The following ADAMTS12 variants were observed in gnomAD, a reference collection of about 807,000 sequenced individuals.
ADAMTS12 encodes A disintegrin and metalloproteinase with thrombospondin motifs 12.
A neutral mutation model predicts 167.8 loss-of-function variants in ADAMTS12; 118 were observed. That is an observed-to-expected ratio of 0.70 (90% confidence interval 0.61 to 0.82). ADAMTS12 has a LOEUF of 0.82. Among genes scored for constraint, ADAMTS12 ranks in the 40% least tolerant of loss-of-function variants. The pLI, the probability that ADAMTS12 is intolerant of heterozygous loss-of-function variation, is 0.00. For missense variants in ADAMTS12, 1,916 were observed against 1,998.8 expected (o/e 0.96, Z 0.79); for synonymous variants, 704 against 716.9 (o/e 0.98, Z 0.29).
intron 20 of ADAMTS12, among the ~76,000 whole-genome samples, chr5:33,551,490 A>G (rs958455526): frequency 6.6e-6 from 1 of 152,244 alleles, no homozygotes; most frequent in Non-Finnish European, 1.5e-5. Context: ...AAGCATGCTA[A>G]TAGCTTCCAC....
At position 33,657,848 on chromosome 5, in the gene ADAMTS12, A is replaced by G. The variant is rs143599547; in HGVS notation, c.1190+336T>C. On this transcript the variant is annotated intron_variant, in intron 7 of 23. Coordinates refer to ENST00000504830, the MANE Select transcript of ADAMTS12 (RefSeq NM_030955.4). ...TTAGTGATATTAACATTATCATTTC[A>G]TAAGAACTAACCAAGGGTTATTCCT... Among the ~76,000 whole-genome samples the G allele has an allele frequency of 2.1e-4, 32 of 152,290 alleles. No homozygotes were observed. In the East Asian group the frequency reaches 5.2e-3, roughly 25 times the overall value.
At position 33,762,439 on chromosome 5, in the gene ADAMTS12, C is replaced by T. The variant is rs529217734; in HGVS notation, c.490-10891G>A. Among the ~76,000 whole-genome samples, 386 of 146,588 alleles carry T rather than the reference C, an allele frequency of 2.6e-3. 4 individuals carry two copies. Among genetic ancestry groups the T allele is most frequent in the African/African-American group, 9.5e-3 (375 of 39,632 alleles). On this transcript the variant is annotated intron_variant, in intron 2 of 23. Coordinates refer to ENST00000504830, the MANE Select transcript of ADAMTS12 (RefSeq NM_030955.4). Reference sequence around the variant, plus strand: ...AGGAGAATGGTGTGAACCCGGGAGGCGGGGGTTGCAGTGAGCCGAGATCGT... The same window carrying T: ...AGGAGAATGGTGTGAACCCGGGAGGTGGGGGTTGCAGTGAGCCGAGATCGT...
intron 16 of ADAMTS12, among the ~76,000 whole-genome samples, chr5:33,611,509 C>T (rs953895756): frequency 1.3e-5 from 2 of 152,116 alleles, no homozygotes; most frequent in African/African-American, 4.8e-5. Flanking sequence ...AAAATGATTG[C>T]TGCCACCTAT....
At chr5:33,555,725 A>G (rs939672357) in intron 20 of ADAMTS12, among the ~76,000 whole-genome samples, 1 of 152,230 alleles carries the variant, frequency 6.6e-6, no homozygotes, top group Non-Finnish European at 1.5e-5. Context: ...TCAAGTATAT[A>G]TTGGTGATTT....
chr5:33,787,045 T>G (rs1405229898), intron 2 of ADAMTS12, among the ~76,000 whole-genome samples: 2 of 152,182 alleles, frequency 1.3e-5, no homozygotes, highest in Admixed American at 1.3e-4. Context: ...CTAGATGTGG[T>G]CCTCTATGGC....
chr5:33,654,564 G>T (rs1286317307), intron 7 of ADAMTS12, among the ~76,000 whole-genome samples: 2 of 152,160 alleles, frequency 1.3e-5, no homozygotes, highest in Non-Finnish European at 2.9e-5. Flanking sequence ...CATGTAATCT[G>T]TCCTGACACC....
At chr5:33,791,980 A>C (rs1746588425) in intron 2 of ADAMTS12, among the ~76,000 whole-genome samples, 1 of 149,236 alleles carries the variant, frequency 6.7e-6, no homozygotes, top group African/African-American at 2.5e-5. Context: ...GTCTTAGCTT[A>C]AACGTGCTTT....
chr5:33,726,345 C>A (rs1268559538), intron 3 of ADAMTS12, among the ~76,000 whole-genome samples: 1 of 152,214 alleles, frequency 6.6e-6, no homozygotes, highest in Non-Finnish European at 1.5e-5. Context: ...AGCTCCGTGG[C>A]TGACGCTAAA....
At chr5:33,739,080 T>G (rs1036333566) in intron 3 of ADAMTS12, among the ~76,000 whole-genome samples, 16 of 152,148 alleles carry the variant, frequency 1.1e-4, no homozygotes, top group African/African-American at 3.9e-4. Context: ...CTCTGTTGAC[T>G]GAGAGAATAC....
At chr5:33,680,901 A>G (rs1236015360) in intron 5 of ADAMTS12, among the ~76,000 whole-genome samples, 4 of 152,192 alleles carry the variant, frequency 2.6e-5, no homozygotes, top group Non-Finnish European at 5.9e-5. Flanking sequence ...CCATCTTCAG[A>G]ATTATCTTCT....
At chr5:33,531,461 G>T (rs1488889368) in intron 23 of ADAMTS12, among the ~76,000 whole-genome samples, 1 of 152,192 alleles carries the variant, frequency 6.6e-6, no homozygotes, top group Non-Finnish European at 1.5e-5. Flanking sequence ...GAAATCAATA[G>T]ATGTGGGTGC....
chr5:33,722,481 T>G (rs1488380136), intron 3 of ADAMTS12, among the ~76,000 whole-genome samples: 4 of 152,202 alleles, frequency 2.6e-5, no homozygotes, highest in Non-Finnish European at 5.9e-5. Flanking sequence ...ATAGAGACAT[T>G]AGGTGATCTG....
intron 3 of ADAMTS12, among the ~76,000 whole-genome samples, chr5:33,709,644 G>A (rs1743323620): frequency 6.6e-6 from 1 of 152,064 alleles, no homozygotes; most frequent in Admixed American, 6.5e-5. Context: ...TTATAAGTGG[G>A]AGCTGAACAC....
At chr5:33,586,308 T>C (rs1482700907) in intron 18 of ADAMTS12, among the ~76,000 whole-genome samples, 1 of 152,196 alleles carries the variant, frequency 6.6e-6, no homozygotes, top group South Asian at 2.1e-4. Context: ...AGAGAGCAGA[T>C]AGAAGAAAGG....
At chr5:33,743,430 A>G (rs772062689) in intron 3 of ADAMTS12, among the ~76,000 whole-genome samples, 21 of 152,190 alleles carry the variant, frequency 1.4e-4, no homozygotes, top group Non-Finnish European at 2.6e-4. Flanking sequence ...GTTTGCTAGG[A>G]TTGCTGTGGC....
intron 5 of ADAMTS12, among the ~76,000 whole-genome samples, chr5:33,668,542 C>T (rs1009211308): frequency 1.3e-5 from 2 of 152,082 alleles, no homozygotes; most frequent in Non-Finnish European, 2.9e-5. Flanking sequence ...CTCACTCTGT[C>T]GCCCAGGCTG....
At chr5:33,690,683 TA>T (rs1561216688) in intron 3 of ADAMTS12, among the ~76,000 whole-genome samples, 1 of 152,188 alleles carries the variant, frequency 6.6e-6, no homozygotes, top group Non-Finnish European at 1.5e-5. Flanking sequence ...GTCGAGAATT[TA>T]TAATGAATTT....
intron 2 of ADAMTS12, among the ~76,000 whole-genome samples, chr5:33,849,680 G>A (rs2111641030): frequency 6.9e-6 from 1 of 145,882 alleles, no homozygotes; most frequent in African/African-American, 2.5e-5. Context: ...GTATTGCACA[G>A]CAATATATGG....
At chr5:33,758,117 C>A (rs1013805339) in intron 2 of ADAMTS12, among the ~76,000 whole-genome samples, 2 of 152,084 alleles carry the variant, frequency 1.3e-5, no homozygotes, top group Non-Finnish European at 2.9e-5. Context: ...GGATGAGTAT[C>A]CATACATAGT....
Sources: gnomAD v4.1 joint callset for allele counts (sites outside exome capture counted in the v4.1 genomes callset) on GRCh38, gnomAD v4.1.1 for gene constraint, MANE v1.5 for transcripts, NCBI Gene and HGNC (gene_info 2026-07-23, HGNC 2026-07-21) for gene names.